CLIC5: variants seen among roughly 807,000 people sequenced by gnomAD.
CLIC5 encodes chloride intracellular channel protein 5.
CLIC5 carries 20 observed loss-of-function variants against 24.7 expected under a neutral mutation model. The ratio of observed to expected loss-of-function variants is 0.81; its 90% CI spans 0.57 to 1.18. The LOEUF (loss-of-function observed/expected upper bound fraction) is 1.18. CLIC5 is among the 50% of genes most tolerant of loss of function. The probability of loss-of-function intolerance (pLI) is 0.00; values close to 1 mark genes in which losing one functional copy is unlikely to be tolerated. For synonymous variants in CLIC5, 159 were observed against 135.6 expected (o/e 1.17, Z -1.20); for missense variants, 341 against 326.1 (o/e 1.05, Z -0.35).
At chr6:46,073,447 G>T (rs1762676249) in intron 1 of CLIC5, among the ~76,000 whole-genome samples, 1 of 152,180 alleles carries the variant, frequency 6.6e-6, no homozygotes, top group Non-Finnish European at 1.5e-5. Flanking sequence ...GACACATCCA[G>T]ATGATCAGTT....
chr6:45,953,941 G>A (rs550461862), intron 2 of CLIC5, among the ~76,000 whole-genome samples: 189 of 152,126 alleles, frequency 1.2e-3, no homozygotes, highest in African/African-American at 4.3e-3. Flanking sequence ...AACAATGAAG[G>A]CAGCAATAGA....
intron 1 of CLIC5, among the ~76,000 whole-genome samples, chr6:46,069,663 C>T (rs1762537062): frequency 6.6e-6 from 1 of 152,088 alleles, no homozygotes; most frequent in East Asian, 1.9e-4. Context: ...GAGCTGGTAC[C>T]ATTCCTACTA....
the CLIC5 span, among the ~76,000 whole-genome samples, chr6:46,088,845 G>C: frequency 6.6e-6 from 1 of 152,180 alleles, no homozygotes; most frequent in Non-Finnish European, 1.5e-5. Context: ...GCTTGAACAA[G>C]TGATCGTCCC....
intron 6 of CLIC5, among the ~76,000 whole-genome samples, chr6:45,887,728 T>C (rs1397996478): frequency 6.6e-6 from 1 of 152,216 alleles, no homozygotes; most frequent in Admixed American, 6.5e-5. Context: ...GGCTTTTTAA[T>C]TTTTTGCTCT....
the CLIC5 span, among the ~76,000 whole-genome samples, chr6:46,124,730 GA>G: frequency 6.6e-6 from 1 of 151,984 alleles, no homozygotes; most frequent in African/African-American, 2.4e-5. Context: ...AAATTTACAA[GA>G]AAAAAACAAA....
the CLIC5 span, among the ~76,000 whole-genome samples, chr6:46,090,282 T>G: frequency 6.6e-6 from 1 of 152,208 alleles, no homozygotes; most frequent in African/African-American, 2.4e-5. Context: ...AATGTTTTTC[T>G]GCATGTATAA....
At chr6:45,980,951 T>C (rs1024114646) in intron 1 of CLIC5, among the ~76,000 whole-genome samples, 2 of 152,068 alleles carry the variant, frequency 1.3e-5, no homozygotes, top group African/African-American at 4.8e-5. Context: ...TACAGGTTCA[T>C]TTAGTGCTTA....
At chr6:46,049,031 A>G (rs1768033521) in intron 1 of CLIC5, among the ~76,000 whole-genome samples, 1 of 152,238 alleles carries the variant, frequency 6.6e-6, no homozygotes, top group Admixed American at 6.5e-5. Flanking sequence ...CACTTTCTCC[A>G]GGCCTCCTGT....
At chr6:45,999,480 T>C (rs1332958119) in intron 1 of CLIC5, among the ~76,000 whole-genome samples, 2 of 152,184 alleles carry the variant, frequency 1.3e-5, no homozygotes, top group East Asian at 3.8e-4. Flanking sequence ...TTTATATGTG[T>C]ATCCTGTATA....
In CLIC5 at chr6:45,898,572, A is replaced by G. The variant is rs1226744124; in HGVS notation, c.*4516T>C. 1.3e-5 allele frequency: 2 copies of G among 152,660 alleles called. No individual in the cohort carries two copies. The highest frequency in any genetic ancestry group is 2.9e-5 in the Non-Finnish European group (2 of 68,044). 9.5% of individuals were successfully genotyped at this position (152,660 alleles called of 1,614,324 possible). ...AAACACTCAGCTGTATCTTCATTAAAAGGCATTTTACATTTATTAAGGCTT... is the reference window on the plus strand; with the variant it reads ...AAACACTCAGCTGTATCTTCATTAAGAGGCATTTTACATTTATTAAGGCTT... On this transcript the variant is annotated 3_prime_UTR_variant, in exon 6 of 6. Coordinates refer to ENST00000339561, the MANE Select transcript of CLIC5 (RefSeq NM_016929.5).
At chr6:45,969,355 G>T (rs1344688076) in intron 1 of CLIC5, among the ~76,000 whole-genome samples, 1 of 152,118 alleles carries the variant, frequency 6.6e-6, no homozygotes, top group Non-Finnish European at 1.5e-5. Context: ...CAACTTCTCT[G>T]TAGCATCTTT....
chr6:45,897,843 A>G (rs1313792516), downstream of CLIC5, among the ~76,000 whole-genome samples: 2 of 152,052 alleles, frequency 1.3e-5, no homozygotes, highest in Admixed American at 1.3e-4. Flanking sequence ...TTTAAATCAT[A>G]CCTGGACTGT....
chr6:46,129,277 C>T, the CLIC5 span, among the ~76,000 whole-genome samples: 1 of 152,202 alleles, frequency 6.6e-6, no homozygotes, highest in Non-Finnish European at 1.5e-5. Flanking sequence ...CCAAGTGTGC[C>T]TGGACAACCC....
the CLIC5 span, among the ~76,000 whole-genome samples, chr6:46,091,718 C>T: frequency 2.0e-5 from 3 of 152,168 alleles, no homozygotes; most frequent in African/African-American, 7.2e-5. Flanking sequence ...AAATATAATT[C>T]CATTGTGTAT....
At chr6:46,001,208 C>T (rs1236909295) in intron 1 of CLIC5, among the ~76,000 whole-genome samples, 1 of 152,144 alleles carries the variant, frequency 6.6e-6, no homozygotes, top group Non-Finnish European at 1.5e-5. Flanking sequence ...CAGCAGTGTC[C>T]TTACTCTCCT....
At chr6:46,013,024 A>G (rs531608509) in intron 1 of CLIC5, among the ~76,000 whole-genome samples, 140 of 152,302 alleles carry the variant, frequency 9.2e-4, no homozygotes, top group Non-Finnish European at 1.2e-3. Flanking sequence ...ATGACTATCA[A>G]TTGACGTGGG....
At position 45,899,126 on chromosome 6, in the gene CLIC5, A is replaced by G. The variant is rs1462115001; in HGVS notation, c.*3962T>C. ...GAATGTGTGTTGATGAGGAGGGCACATGTTGCTTGATTTGAATGATAAAGA... is the reference window on the plus strand; with the variant it reads ...GAATGTGTGTTGATGAGGAGGGCACGTGTTGCTTGATTTGAATGATAAAGA... On this transcript the variant is annotated 3_prime_UTR_variant, in exon 6 of 6. Transcript: ENST00000339561. 1 of 152,186 alleles carries G rather than the reference A, an allele frequency of 6.6e-6. No homozygotes were observed. Among genetic ancestry groups the G allele is most frequent in the African/African-American group, 2.4e-5 (1 of 41,442 alleles). 9.4% of individuals were successfully genotyped at this position (152,186 alleles called of 1,614,324 possible).
intron 4 of CLIC5, among the ~76,000 whole-genome samples, chr6:45,936,929 G>A (rs1276793930): frequency 6.6e-6 from 1 of 152,128 alleles, no homozygotes; most frequent in African/African-American, 2.4e-5. Flanking sequence ...AGGTTGGAAA[G>A]AGTGAGAGGA....
intron 6 of CLIC5, among the ~76,000 whole-genome samples, chr6:45,889,324 A>G (rs1003394422): frequency 6.6e-6 from 1 of 152,104 alleles, no homozygotes; most frequent in African/African-American, 2.4e-5. Context: ...CATTAATCCT[A>G]TTCCTGAGAG....
Sources: allele counts gnomAD v4.1 joint callset (sites outside exome capture counted in the v4.1 genomes callset), GRCh38; gene constraint gnomAD v4.1.1; transcripts MANE v1.5; gene names NCBI Gene and HGNC (gene_info 2026-07-23, HGNC 2026-07-21).